CKMT2: variants seen among roughly 807,000 people sequenced by gnomAD.
The protein encoded by CKMT2 is creatine kinase, mitochondrial 2, also known as creatine kinase S-type, mitochondrial.
Under a neutral mutation model 48.9 loss-of-function variants are expected in CKMT2, and 43 were observed. The observed-to-expected ratio is 0.88, with a 90% CI of 0.69 to 1.13. CKMT2 has a LOEUF of 1.13. CKMT2 is among the 50% of genes most tolerant of loss of function. CKMT2 has a pLI of 0.00. For missense variants in CKMT2, 472 were observed against 555.4 expected (o/e 0.85, Z 1.51); for synonymous variants, 206 against 213.0 (o/e 0.97, Z 0.29).
intron 9 of CKMT2, 40 bp downstream of exon 9, chr5:81,263,656 T>A (rs1211027921): frequency 6.3e-7 from 1 of 1,579,890 alleles, no homozygotes; most frequent in Admixed American, 1.7e-5. Context: ...ACTAACAAAA[T>A]CAGCCTAAGA....
chr5:81,246,915 C>T (rs1193628555), intron 1 of CKMT2: 1 of 152,218 alleles, frequency 6.6e-6, no homozygotes, highest in Non-Finnish European at 1.5e-5. Flanking sequence ...GTGTGGTCCT[C>T]TCACCGAACT....
intron 8 of CKMT2, among the ~76,000 whole-genome samples, chr5:81,261,696 G>A (rs1757230575): frequency 6.6e-6 from 1 of 152,122 alleles, no homozygotes; most frequent in Non-Finnish European, 1.5e-5. Context: ...AATAAAAGAG[G>A]AGACAAACAA....
intron 1 of CKMT2, among the ~76,000 whole-genome samples, chr5:81,235,265 G>T (rs1756212316): frequency 6.6e-6 from 1 of 152,188 alleles, no homozygotes. Flanking sequence ...GCCCATTAAG[G>T]TTGGCTGCGT....
intron 1 of CKMT2, among the ~76,000 whole-genome samples, chr5:81,240,021 C>T (rs1040310611): frequency 6.6e-6 from 1 of 152,100 alleles, no homozygotes; most frequent in East Asian, 1.9e-4. Flanking sequence ...AAATACATAT[C>T]TCTACCCCCT....
chr5:81,254,161 C>T (rs1756915980), intron 3 of CKMT2, among the ~76,000 whole-genome samples: 1 of 152,174 alleles, frequency 6.6e-6, no homozygotes. Context: ...CTCACCAGCC[C>T]CACCCTATCT....
chr5:81,257,914 G>C, intron 7 of CKMT2, 58 bp downstream of exon 7: 1 of 1,523,152 alleles, frequency 6.6e-7, no homozygotes, highest in Non-Finnish European at 8.9e-7. Flanking sequence ...CGTATTGTTT[G>C]TTCTTGAAAG....
intron 1 of CKMT2, among the ~76,000 whole-genome samples, chr5:81,245,568 TGAA>T (rs1437725043): frequency 6.6e-6 from 1 of 152,112 alleles, no homozygotes; most frequent in Non-Finnish European, 1.5e-5. Flanking sequence ...GTCTGTGAGT[TGAA>T]GAGAATGTGG....
Position 81,266,226 on chromosome 5 carries a change from C to T in CKMT2, c.1228C>T (p.Pro410Ser). Residue 410 changes from proline to serine, a missense_variant, in exon 10 of 10, where the codon CCA (proline) becomes TCA (serine). Pro to Ser is a moderately conservative substitution (Grantham distance 74). Coordinates refer to ENST00000254035, the MANE Select transcript of CKMT2 (RefSeq NM_001099735.2). ...KLERGQDIKV[P>S]PPLPQFGKK is the part of the protein sequence containing the mutation. ...GGAGAGAGGCCAAGATATTAAGGTG[C>T]CACCCCCTCTGCCTCAGTTTGGCAA... 1 of 1,613,056 alleles carries T rather than the reference C, an allele frequency of 6.2e-7. No homozygotes were observed. Among genetic ancestry groups the T allele is most frequent in the Non-Finnish European group, 8.5e-7 (1 of 1,179,184 alleles).
At chr5:81,257,969 A>G (rs1381125374) in intron 7 of CKMT2, 113 bp downstream of exon 7, 1 of 1,054,332 alleles carries the variant, frequency 9.5e-7, no homozygotes, top group East Asian at 2.7e-5. Context: ...TTTTTTCTAG[A>G]AATCAAAGCA....
At chr5:81,262,857 T>C (rs948482990) in intron 8 of CKMT2, among the ~76,000 whole-genome samples, 6 of 152,200 alleles carry the variant, frequency 3.9e-5, no homozygotes, top group African/African-American at 1.4e-4. Flanking sequence ...TAAATCATTC[T>C]ATAAAGACAA....
At chr5:81,261,169 C>T (rs753564899) in intron 8 of CKMT2, among the ~76,000 whole-genome samples, 1 of 152,200 alleles carries the variant, frequency 6.6e-6, no homozygotes, top group African/African-American at 2.4e-5. Context: ...TTCAGCAGCC[C>T]TTCATGCTAA....
chr5:81,256,340 C>A (rs1757008700), intron 5 of CKMT2, among the ~76,000 whole-genome samples: 1 of 152,126 alleles, frequency 6.6e-6, no homozygotes, highest in Admixed American at 6.5e-5. Context: ...CTGTTTTCTT[C>A]ATTTATAAAA....
intron 1 of CKMT2, among the ~76,000 whole-genome samples, chr5:81,241,706 A>G (rs1229345400): frequency 2.0e-5 from 3 of 152,256 alleles, no homozygotes; most frequent in Admixed American, 6.5e-5. Flanking sequence ...GAGAACATGT[A>G]TGTAATGAAT....
At chr5:81,260,212 C>A (rs142556924) in intron 8 of CKMT2, among the ~76,000 whole-genome samples, 3,205 of 152,030 alleles carry the variant, frequency 0.021, 103 homozygotes, top group African/African-American at 0.071. Flanking sequence ...TGGGACACAG[C>A]TAAAGCAGTG....
intron 1 of CKMT2, chr5:81,243,943 T>C (rs1756523166): frequency 1.3e-6 from 1 of 764,804 alleles, no homozygotes; most frequent in South Asian, 5.9e-5. Flanking sequence ...TCCGCCCACC[T>C]TGGCCTCCCA....
At chr5:81,233,733 C>T (rs1171648097) in intron 1 of CKMT2, among the ~76,000 whole-genome samples, 6 of 152,180 alleles carry the variant, frequency 3.9e-5, no homozygotes, top group Non-Finnish European at 8.8e-5. Context: ...CTTAAAGTGT[C>T]TTTCCCTTGT....
chr5:81,251,320 G>A, intron 2 of CKMT2, 36 bp downstream of exon 2: 1 of 1,607,424 alleles, frequency 6.2e-7, no homozygotes, highest in Non-Finnish European at 8.5e-7. Flanking sequence ...CCTCAGGCCA[G>A]GCACGGTGGC....
At chr5:81,258,439 A>G (rs59690510) in intron 7 of CKMT2, among the ~76,000 whole-genome samples, 2,365 of 152,296 alleles carry the variant, frequency 0.016, 63 homozygotes, top group African/African-American at 0.054. Context: ...TAGCCTGACC[A>G]TAGACTCACC....
At chr5:81,260,630 T>G (rs1392623715) in intron 8 of CKMT2, among the ~76,000 whole-genome samples, 2 of 152,128 alleles carry the variant, frequency 1.3e-5, no homozygotes, top group African/African-American at 4.8e-5. Context: ...ATGGATAAAT[T>G]CCTGGACACA....
Sources: gnomAD v4.1 joint callset for allele counts (sites outside exome capture counted in the v4.1 genomes callset) on GRCh38, gnomAD v4.1.1 for gene constraint, MANE v1.5 for transcripts, NCBI Gene and HGNC (gene_info 2026-07-23, HGNC 2026-07-21) for gene names.